RAD50: variants seen among roughly 807,000 people sequenced by gnomAD.
RAD50 encodes the protein DNA repair protein RAD50.
A neutral mutation model predicts 168.8 loss-of-function variants in RAD50; 132 were observed. The ratio of observed to expected loss-of-function variants is 0.78; its 90% CI spans 0.68 to 0.90. The LOEUF is 0.90. Ranked by LOEUF, RAD50 falls within the 40% of genes least tolerant of loss-of-function variation. RAD50 has a pLI of 0.00. For missense variants in RAD50, 1,347 were observed against 1,534.4 expected (o/e 0.88, Z 2.04); for synonymous variants, 525 against 497.4 (o/e 1.06, Z -0.74).
chr5:132,591,293 C>T lies in RAD50; in HGVS notation c.1522C>T (p.Gln508Ter). 6.2e-7 allele frequency: 1 copy of T among 1,613,208 alleles called. No homozygotes were observed. The highest frequency in any genetic ancestry group is 8.5e-7 in the Non-Finnish European group (1 of 1,179,274). ...CTTAAAAATGGAAGTAATAAGTCTC[C>T]AAAATGAAAAAGCAGACTTAGACAG... ...ETLKMEVISL[Q>*]NEKADLDRTL... Residue 508 changes from glutamine (Q) to a stop codon, truncating the protein, a stop_gained, in exon 10 of 25, where the codon CAA becomes TAA. Coordinates refer to ENST00000378823, the MANE Select transcript of RAD50 (RefSeq NM_005732.4). LOFTEE classifies it high-confidence loss of function.
chr5:132,579,158 A>G (rs1271300453), intron 3 of RAD50, among the ~76,000 whole-genome samples, 159 bp from the exon 4 acceptor site: 1 of 152,210 alleles, frequency 6.6e-6, no homozygotes, highest in Non-Finnish European at 1.5e-5. Flanking sequence ...AAATAGTTTA[A>G]GAGTTACACT....
At chr5:132,561,938 A>G (rs745327972) in intron 2 of RAD50, among the ~76,000 whole-genome samples, 6 of 152,134 alleles carry the variant, frequency 3.9e-5, no homozygotes, top group Non-Finnish European at 8.8e-5. Context: ...CCTTTCAACT[A>G]TTAGAATCGT....
chr5:132,572,630 C>A (rs1304161127), intron 2 of RAD50, among the ~76,000 whole-genome samples: 6 of 151,966 alleles, frequency 3.9e-5, no homozygotes, highest in Non-Finnish European at 8.8e-5. Flanking sequence ...TCTTTTAGGT[C>A]TTATAAGATG....
intron 19 of RAD50, among the ~76,000 whole-genome samples, chr5:132,611,372 CAA>C (rs1491267912): frequency 2.0e-5 from 3 of 149,720 alleles, no homozygotes; most frequent in South Asian, 2.1e-4. Flanking sequence ...GCCTGGGTGA[CAA>C]GAGTGAAACT....
intron 13 of RAD50, among the ~76,000 whole-genome samples, chr5:132,597,936 T>C (rs1037042156): frequency 3.3e-5 from 5 of 152,096 alleles, no homozygotes; most frequent in African/African-American, 9.7e-5. Flanking sequence ...AAATTTGAAA[T>C]TGGTAGAAAG....
At position 132,599,112 on chromosome 5, in the gene RAD50, C is replaced by T. The variant is rs1245441688; in HGVS notation, c.2207+3302C>T. 2.6e-5 allele frequency among the ~76,000 whole-genome samples: 4 copies of T among 152,084 alleles called. No homozygotes were observed. In the East Asian group the frequency reaches 7.7e-4, roughly 29 times the overall value. ...TAGTGTCTATTCCCGTTATTGATTGCTTGTAACAAACCCCCTCAAAACTGT... is the reference window on the plus strand; with the variant it reads ...TAGTGTCTATTCCCGTTATTGATTGTTTGTAACAAACCCCCTCAAAACTGT... On this transcript the variant is annotated intron_variant, in intron 13 of 24. Coordinates refer to ENST00000378823, the MANE Select transcript of RAD50 (RefSeq NM_005732.4).
chr5:132,615,418 C>T (rs1023382830), intron 19 of RAD50, among the ~76,000 whole-genome samples: 9 of 152,290 alleles, frequency 5.9e-5, no homozygotes, highest in Admixed American at 5.9e-4. Flanking sequence ...TACAATTTGT[C>T]AACCTAAAGG....
At chr5:132,612,712 C>T (rs1475402209) in intron 19 of RAD50, among the ~76,000 whole-genome samples, 3 of 151,982 alleles carry the variant, frequency 2.0e-5, no homozygotes, top group African/African-American at 7.3e-5. Flanking sequence ...CCTGTAGTCC[C>T]AGCTACTCAG....
chr5:132,584,116 A>G (rs1750553232), intron 5 of RAD50, among the ~76,000 whole-genome samples: 1 of 152,164 alleles, frequency 6.6e-6, no homozygotes, highest in African/African-American at 2.4e-5. Context: ...ACTAGTTTAC[A>G]GTCCCTCCAA....
At chr5:132,588,164 A>C in intron 7 of RAD50, 75 bp downstream of exon 7, 1 of 1,504,918 alleles carries the variant, frequency 6.6e-7, no homozygotes, top group Non-Finnish European at 9.2e-7. Context: ...AAGAATCTCC[A>C]AGGACTTATG....
At chr5:132,632,387 A>G (rs2149860292) in intron 21 of RAD50, among the ~76,000 whole-genome samples, 1 of 152,274 alleles carries the variant, frequency 6.6e-6, no homozygotes, top group East Asian at 1.9e-4. Context: ...TTGGTGACAT[A>G]TTTTCATTTC....
chr5:132,627,429 AGTG>A lies in RAD50; in HGVS notation c.3389+9138_3389+9140del, dbSNP rs1299532732. Among the ~76,000 whole-genome samples, 21 of 152,352 alleles carry A rather than the reference AGTG, an allele frequency of 1.4e-4. No homozygotes were observed. In the South Asian group the frequency reaches 3.1e-3, roughly 23 times the overall value. ...ATAAATTAATAACAAAATGGGTAGT[AGTG>A]GTAGGTATTACAGTGAAAATGAACA... On this transcript the variant is annotated intron_variant, in intron 21 of 24. Coordinates refer to ENST00000378823, the MANE Select transcript of RAD50 (RefSeq NM_005732.4).
intron 11 of RAD50, among the ~76,000 whole-genome samples, chr5:132,592,475 C>T (rs1204713486): frequency 1.3e-5 from 2 of 152,098 alleles, no homozygotes; most frequent in Non-Finnish European, 2.9e-5. Context: ...GCAAATGGCC[C>T]TTGTTTGATG....
At chr5:132,588,972 A>G (rs1750648231) in intron 8 of RAD50, 92 bp downstream of exon 8, 1 of 1,335,856 alleles carries the variant, frequency 7.5e-7, no homozygotes, top group Non-Finnish European at 1.1e-6. Context: ...CCATTTTGGC[A>G]TATTTTTCTA....
At position 132,559,268 on chromosome 5, in the gene RAD50, T is replaced by G. The variant is rs758326989; in HGVS notation, c.130-16T>G. Reference sequence around the variant, plus strand: ...GTTCTCTTATAACGAAATAATGTAATTTTCTATTTCTTTAGACCATCATTG... The same window carrying G: ...GTTCTCTTATAACGAAATAATGTAAGTTTCTATTTCTTTAGACCATCATTG... On this transcript the variant is annotated splice_polypyrimidine_tract_variant and intron_variant, in intron 1 of 24. Coordinates refer to ENST00000378823, the MANE Select transcript of RAD50 (RefSeq NM_005732.4). 4 of 1,588,322 alleles carry G rather than the reference T, an allele frequency of 2.5e-6. No individual in the cohort carries two copies. The highest frequency in any genetic ancestry group is 1.8e-5 in the Admixed American group (1 of 56,660).
At chr5:132,575,104 T>A (rs1750369934) in intron 2 of RAD50, among the ~76,000 whole-genome samples, 1 of 152,196 alleles carries the variant, frequency 6.6e-6, no homozygotes, top group Non-Finnish European at 1.5e-5. Flanking sequence ...GGTACCAATT[T>A]ACTGTATGAG....
At chr5:132,579,228 T>C (rs1554097752) in intron 3 of RAD50, 89 bp from the exon 4 acceptor site, 2 of 1,369,940 alleles carry the variant, frequency 1.5e-6, no homozygotes, top group South Asian at 1.3e-5. Flanking sequence ...TTTTATTCTT[T>C]TAAAGAAGTA....
At position 132,579,493 on chromosome 5, in the gene RAD50, C is replaced by A. The variant is rs1561635984; in HGVS notation, c.542C>A (p.Ser181Ter). 18 of 1,612,358 alleles carry A rather than the reference C, an allele frequency of 1.1e-5. No homozygotes were observed. Among genetic ancestry groups the A allele is most frequent in the East Asian group, 2.2e-5 (1 of 44,856 alleles). ...ALKQKFDEIFSATRYIKALET... is the reference protein window; with the variant it reads ...ALKQKFDEIF ...AAGCAAAAGTTTGATGAGATTTTTT[C>A]AGCAACAAGGTTTGTAACCCTTAAA... The change falls in exon 4 of 25, where the codon TCA (serine) becomes TAA (stop). Residue 181 changes from serine (S) to a stop codon, truncating the protein, a stop_gained. Transcript: ENST00000378823. LOFTEE classifies it high-confidence loss of function.
At chr5:132,606,878 ATCCCAAT>A (rs1750994872) in intron 16 of RAD50, among the ~76,000 whole-genome samples, 1 of 152,230 alleles carries the variant, frequency 6.6e-6, no homozygotes, top group African/African-American at 2.4e-5. Context: ...CCACATGATT[ATCCCAAT>A]AGATGGAGAA....
Sources: allele counts gnomAD v4.1 joint callset (sites outside exome capture counted in the v4.1 genomes callset), GRCh38; gene constraint gnomAD v4.1.1; transcripts MANE v1.5; gene names NCBI Gene and HGNC (gene_info 2026-07-23, HGNC 2026-07-21).